Variants in CYTH3 observed in about 807,000 individuals in gnomAD.
The protein encoded by CYTH3 is cytohesin 3.
In CYTH3, 23 loss-of-function variants were observed where a neutral mutation model predicts 55.1. That is an observed-to-expected ratio of 0.42 (90% CI 0.30 to 0.59). CYTH3 has a LOEUF of 0.59. Ranked by LOEUF, CYTH3 falls within the 20% of genes least tolerant of loss-of-function variation. The pLI, the probability that CYTH3 is intolerant of heterozygous loss-of-function variation, is 0.20. For synonymous variants in CYTH3, 249 were observed against 194.9 expected, an observed-to-expected ratio of 1.28 and a Z score of -2.31; for missense variants, 413 against 524.8, an observed-to-expected ratio of 0.79 and a Z score of 2.08.
At chr7:6,174,716 T>G (rs947036499) in intron 5 of CYTH3, among the ~76,000 whole-genome samples, 2 of 151,726 alleles carry the variant, frequency 1.3e-5, no homozygotes, top group Non-Finnish European at 2.9e-5. Flanking sequence ...CCTGGCTAAT[T>G]TTTTGTATTT....
chr7:6,171,319 G>A lies in CYTH3; in HGVS notation c.450-5C>T, dbSNP rs754025148. On this transcript the variant is annotated splice_polypyrimidine_tract_variant and splice_region_variant and intron_variant, in intron 6 of 12. Coordinates refer to ENST00000350796, the MANE Select transcript of CYTH3 (RefSeq NM_004227.4). The surrounding 1 kb of genome is among the most constrained non-coding windows in gnomAD (Gnocchi z 6.7). ...CTGAAGCTCCATAAGAACTGCCTGT[G>A]GAGACACCAAAGCCATGGGAAGCCG... 2 of 1,613,982 alleles carry A rather than the reference G, an allele frequency of 1.2e-6. No homozygotes were observed. Among genetic ancestry groups the A allele is most frequent in the African/African-American group, 1.3e-5 (1 of 75,058 alleles).
intron 1 of CYTH3, among the ~76,000 whole-genome samples, chr7:6,200,085 A>G (rs1369813774): frequency 6.6e-6 from 1 of 152,248 alleles, no homozygotes; most frequent in African/African-American, 2.4e-5. Flanking sequence ...TTTAAAATGT[A>G]TAATTTGTAT....
chr7:6,251,389 T>C (rs1481503732), intron 1 of CYTH3, among the ~76,000 whole-genome samples: 3 of 150,990 alleles, frequency 2.0e-5, no homozygotes, highest in South Asian at 2.1e-4. Flanking sequence ...GGGAGACATG[T>C]AGGAAGTTTC....
intron 9 of CYTH3, among the ~76,000 whole-genome samples, chr7:6,166,382 G>C (rs956939619): frequency 3.9e-5 from 6 of 152,256 alleles, no homozygotes; most frequent in African/African-American, 1.4e-4. Context: ...GACTTCAGCT[G>C]CTATAGCCTT....
At chr7:6,234,391 G>C (rs1779464866) in intron 1 of CYTH3, among the ~76,000 whole-genome samples, 1 of 152,222 alleles carries the variant, frequency 6.6e-6, no homozygotes, top group Non-Finnish European at 1.5e-5. Flanking sequence ...TTCTGCATCT[G>C]AGCCACAGAG....
chr7:6,179,337 T>G (rs1783418591), intron 4 of CYTH3, among the ~76,000 whole-genome samples: 1 of 152,154 alleles, frequency 6.6e-6, no homozygotes, highest in South Asian at 2.1e-4. Context: ...CTGGTTACCC[T>G]GGGGAGTGAA....
At chr7:6,184,034 G>A (rs546767559) in intron 4 of CYTH3, among the ~76,000 whole-genome samples, 8 of 128,316 alleles carry the variant, frequency 6.2e-5, no homozygotes, top group East Asian at 2.3e-4. Flanking sequence ...CATTGTTTAC[G>A]CACCCCCTCT....
At chr7:6,259,832 AT>A (rs10586697) in intron 1 of CYTH3, among the ~76,000 whole-genome samples, 3,672 of 17,248 alleles carry the variant, frequency 0.21, 427 homozygotes, top group East Asian at 0.47. Context: ...ATATATATAT[AT>A]TTTTTTTTTT....
intron 1 of CYTH3, among the ~76,000 whole-genome samples, chr7:6,239,321 C>G (rs570361625): frequency 9.9e-5 from 15 of 152,268 alleles, no homozygotes; most frequent in Admixed American, 4.6e-4. Context: ...CTAGTCTCTG[C>G]CCACCACTGC....
chr7:6,262,644 T>A (rs988113905), intron 1 of CYTH3, among the ~76,000 whole-genome samples: 1 of 152,196 alleles, frequency 6.6e-6, no homozygotes, highest in Admixed American at 6.5e-5. Flanking sequence ...TTGAGGCCAG[T>A]AGTTCAACAC....
At chr7:6,188,987 C>G (rs1562887197) in intron 2 of CYTH3, 2 of 152,250 alleles carry the variant, frequency 1.3e-5, no homozygotes, top group African/African-American at 4.8e-5. Context: ...AAAACGCAAA[C>G]TCCTAGAAAG....
intron 1 of CYTH3, among the ~76,000 whole-genome samples, chr7:6,199,135 A>G (rs1299107522): frequency 1.3e-5 from 2 of 152,236 alleles, no homozygotes; most frequent in Non-Finnish European, 1.5e-5. Flanking sequence ...TTTACATAAG[A>G]ATCAGGAGCA....
chr7:6,255,133 G>GT (rs1449093808), intron 1 of CYTH3, among the ~76,000 whole-genome samples: 15 of 152,080 alleles, frequency 9.9e-5, no homozygotes, highest in African/African-American at 3.6e-4. Flanking sequence ...TTTCACTTCG[G>GT]TTTTTTAACA....
chr7:6,164,852 C>T lies in CYTH3; in HGVS notation c.*92G>A. 7.1e-7 allele frequency: 1 copy of T among 1,408,788 alleles called. No homozygotes were observed. The highest frequency in any genetic ancestry group is 1.0e-6 in the Non-Finnish European group (1 of 997,808). The allele number at this position is 1,408,788 out of a possible 1,614,324, so 87.3% of individuals were successfully genotyped here. A position where few individuals can be genotyped will look rare whatever the true frequency, so the allele number is the denominator to read the frequency against. ...AGCAGCAGCTTGCACCGCAGGGCGACTGCCTCCCTGCCACGCCTTCCGCGG... is the reference window on the plus strand; with the variant it reads ...AGCAGCAGCTTGCACCGCAGGGCGATTGCCTCCCTGCCACGCCTTCCGCGG... On this transcript the variant is annotated 3_prime_UTR_variant, in exon 13 of 13. Coordinates refer to ENST00000350796, the MANE Select transcript of CYTH3 (RefSeq NM_004227.4).
intron 1 of CYTH3, among the ~76,000 whole-genome samples, chr7:6,239,906 A>G (rs1205089615): frequency 1.3e-5 from 2 of 152,268 alleles, no homozygotes; most frequent in Non-Finnish European, 2.9e-5. Flanking sequence ...AGAAAACTGC[A>G]ATGTCATAAG....
intron 4 of CYTH3, among the ~76,000 whole-genome samples, chr7:6,184,221 C>T (rs78749602): frequency 3.3e-5 from 5 of 151,798 alleles, no homozygotes; most frequent in African/African-American, 7.2e-5. Context: ...TCACCACACC[C>T]GGCTAATTTT....
chr7:6,272,481 A>C lies in CYTH3; in HGVS notation c.27T>G (p.Gly9=), dbSNP rs934545368. The change falls in exon 1 of 13, where the codon GGT becomes GGG. Residue 9 remains glycine, a synonymous_variant. Coordinates refer to ENST00000350796, the MANE Select transcript of CYTH3 (RefSeq NM_004227.4). ...CACACCTCCGACACTCACCGCCACC[A>C]CCCTCGCCGCCGCCGTCTTCATCCA... is the stretch of plus-strand genomic sequence containing the variant. The part of the protein sequence containing the change: MDEDGGGE[G]GGVPEDLSLE... 1.2e-5 allele frequency: 15 copies of C among 1,278,992 alleles called. No individual in the cohort carries two copies. Among genetic ancestry groups the C allele is most frequent in the Admixed American group, 2.8e-5 (1 of 35,420 alleles). 79.2% of individuals were successfully genotyped at this position (1,278,992 alleles called of 1,614,324 possible).
At chr7:6,243,494 A>T (rs926568456) in intron 1 of CYTH3, among the ~76,000 whole-genome samples, 2 of 152,228 alleles carry the variant, frequency 1.3e-5, no homozygotes, top group African/African-American at 4.8e-5. Flanking sequence ...CTGTTGGTTA[A>T]GAGTTTTTTC....
At chr7:6,248,540 G>A (rs1405617480) in intron 1 of CYTH3, among the ~76,000 whole-genome samples, 1 of 152,178 alleles carries the variant, frequency 6.6e-6, no homozygotes, top group Non-Finnish European at 1.5e-5. Flanking sequence ...CCAGGAAGGA[G>A]GACTGTGGCG....
Sources: allele counts gnomAD v4.1 joint callset (sites outside exome capture counted in the v4.1 genomes callset), GRCh38; gene constraint gnomAD v4.1.1; non-coding constraint Gnocchi (gnomAD v3.1); transcripts MANE v1.5; gene names NCBI Gene and HGNC (gene_info 2026-07-23, HGNC 2026-07-21).